FAM20A: variants seen among roughly 807,000 people sequenced by gnomAD.
FAM20A encodes pseudokinase FAM20A.
FAM20A carries 42 observed loss-of-function variants against 52.0 expected under a neutral mutation model. That is an observed-to-expected ratio of 0.81 (90% confidence interval 0.63 to 1.04). The LOEUF (loss-of-function observed/expected upper bound fraction) is 1.04, where lower values mean the gene tolerates loss of function less well. Ranked by LOEUF, FAM20A falls within the 50% of genes least tolerant of loss-of-function variation. FAM20A has a pLI of 0.00. For missense variants in FAM20A, 742 were observed against 712.7 expected (o/e 1.04, Z -0.47); for synonymous variants, 304 against 298.9 (o/e 1.02, Z -0.18).
At position 68,600,918 on chromosome 17, in the gene FAM20A, G is replaced by A; in HGVS notation, c.-252C>T. 2.2e-6 allele frequency: 1 copy of A among 462,966 alleles called. No individual in the cohort carries two copies. The highest frequency in any genetic ancestry group is 3.8e-6 in the Non-Finnish European group (1 of 266,172). The allele number at this position is 462,966 out of a possible 1,614,324, so 28.7% of individuals were successfully genotyped here. A position where few individuals can be genotyped will look rare whatever the true frequency, so the allele number is the denominator to read the frequency against. Reference sequence around the variant, plus strand: ...CTTCTCCGCGCCGAGTGAGCCGAGGGAATGGGGTTCCCGGGGTGCCCGCTT... The same window carrying A: ...CTTCTCCGCGCCGAGTGAGCCGAGGAAATGGGGTTCCCGGGGTGCCCGCTT... On this transcript the variant is annotated 5_prime_UTR_variant, in exon 1 of 11. Coordinates refer to ENST00000592554, the MANE Select transcript of FAM20A (RefSeq NM_017565.4). The surrounding 1 kb of genome is among the most constrained non-coding windows in gnomAD (Gnocchi z 6.2).
chr17:68,565,530 A>C (rs541095312), intron 1 of FAM20A, among the ~76,000 whole-genome samples: 1 of 151,390 alleles, frequency 6.6e-6, no homozygotes, highest in East Asian at 1.9e-4. Flanking sequence ...AGTAGCTGGG[A>C]TTACAGGTGT....
In FAM20A at chr17:68,536,660, C is replaced by T. The variant is rs1262577774; in HGVS notation, c.*817G>A. The T allele has an allele frequency of 2.2e-6, 1 of 452,748 alleles. No homozygotes were observed. The highest frequency in any genetic ancestry group is 2.4e-5 in the Admixed American group (1 of 42,284). 28.0% of individuals were successfully genotyped at this position (452,748 alleles called of 1,614,324 possible). A position where few individuals can be genotyped will look rare whatever the true frequency, so the allele number is the denominator to read the frequency against. On this transcript the variant is annotated 3_prime_UTR_variant, in exon 11 of 11. Coordinates refer to ENST00000592554, the MANE Select transcript of FAM20A (RefSeq NM_017565.4). ...TGGTGGGCTGTAGTCAGCCTTGGCTCTTTTCCTGCCTTACTCCAGGCTTGT... is the reference window on the plus strand; with the variant it reads ...TGGTGGGCTGTAGTCAGCCTTGGCTTTTTTCCTGCCTTACTCCAGGCTTGT...
rs138403824 is a variant in FAM20A, at chr17:68,541,639, G to A, written c.1109+346C>T. ...CAGGTGTCCCTCCCATGGGATTCTC[G>A]TGTGCTCCCTGGTTATAGCAAGTGC... On this transcript the variant is annotated intron_variant, in intron 7 of 10. Coordinates refer to ENST00000592554, the MANE Select transcript of FAM20A (RefSeq NM_017565.4). 463 of 213,366 alleles carry A rather than the reference G, an allele frequency of 2.2e-3. 2 individuals are homozygous for A. The highest frequency in any genetic ancestry group is 8.1e-3 in the South Asian group (86 of 10,614). The allele number at this position is 213,366 out of a possible 1,614,324, so 13.2% of individuals were successfully genotyped here. A position where few individuals can be genotyped will look rare whatever the true frequency, so the allele number is the denominator to read the frequency against.
chr17:68,555,559 C>A lies in FAM20A; in HGVS notation c.589G>T (p.Asp197Tyr). Residue 197 changes from aspartate (D) to tyrosine (Y), a missense_variant and splice_region_variant, in exon 2 of 11, where the codon GAT (aspartate) becomes TAT (tyrosine). Asp to Tyr is a radical substitution (Grantham distance 160, BLOSUM62 -3). Coordinates refer to ENST00000592554, the MANE Select transcript of FAM20A (RefSeq NM_017565.4). ...DMRHFPTISA[D>Y]YSQDEKALLG... ...CCTTGCTTGATCCCATGAACCTTAC[C>A]AGCACTGATGGTGGGAAAGTGCCTC... 6.2e-7 allele frequency: 1 copy of A among 1,612,614 alleles called. No homozygotes were observed. Among genetic ancestry groups the A allele is most frequent in the Non-Finnish European group, 8.5e-7 (1 of 1,180,028 alleles).
At chr17:68,586,468 A>G (rs961379025) in intron 1 of FAM20A, among the ~76,000 whole-genome samples, 2 of 152,224 alleles carry the variant, frequency 1.3e-5, no homozygotes, top group African/African-American at 4.8e-5. Context: ...TTGAGATGAG[A>G]TCATCTTGAA....
intron 1 of FAM20A, among the ~76,000 whole-genome samples, chr17:68,576,358 G>A (rs1207279317): frequency 1.3e-5 from 2 of 152,218 alleles, no homozygotes; most frequent in South Asian, 2.1e-4. Flanking sequence ...ACTGACTTGA[G>A]CTAGCTCAAG....
In FAM20A at chr17:68,585,262, T is replaced by C. The variant is rs74000764; in HGVS notation, c.404+15001A>G. On this transcript the variant is annotated intron_variant, in intron 1 of 10. Coordinates refer to ENST00000592554, the MANE Select transcript of FAM20A (RefSeq NM_017565.4). ...TCAGAAAGAGCCTTTTGTTCCTACCTCTAAGTTCAGTTAATTGGTAAATCT... is the reference window on the plus strand; with the variant it reads ...TCAGAAAGAGCCTTTTGTTCCTACCCCTAAGTTCAGTTAATTGGTAAATCT... 7.0e-3 allele frequency among the ~76,000 whole-genome samples: 1,063 copies of C among 152,002 alleles called. 9 individuals are homozygous for C. The highest frequency in any genetic ancestry group is 0.024 in the African/African-American group (985 of 41,330).
At chr17:68,567,736 C>T (rs144081486) in intron 1 of FAM20A, among the ~76,000 whole-genome samples, 2 of 152,130 alleles carry the variant, frequency 1.3e-5, no homozygotes, top group East Asian at 1.9e-4. Flanking sequence ...AATCTCATCT[C>T]GAATTGTAAT....
rs141405038 is a variant in FAM20A, at chr17:68,542,177, G to A, written c.929-12C>T. ...GCACACGTTGCTCGCTGGAGGATGG[G>A]GAGGAGAGAGGAGGAGTAAGTGGAG... On this transcript the variant is annotated splice_polypyrimidine_tract_variant and intron_variant, in intron 6 of 10. Coordinates refer to ENST00000592554, the MANE Select transcript of FAM20A (RefSeq NM_017565.4). The A allele has an allele frequency of 2.4e-5, 38 of 1,613,458 alleles. No homozygotes were observed. In the African/African-American group the frequency reaches 4.5e-4, roughly 19 times the overall value.
chr17:68,541,239 G>T, intron 7 of FAM20A: 2 of 438,790 alleles, frequency 4.6e-6, no homozygotes, highest in Non-Finnish European at 4.2e-6. Flanking sequence ...GAAAGGAGGA[G>T]GTAGTGACCC....
chr17:68,591,591 G>A (rs969837713), intron 1 of FAM20A, among the ~76,000 whole-genome samples: 4 of 152,214 alleles, frequency 2.6e-5, no homozygotes, highest in Admixed American at 2.6e-4. Context: ...ATAGAGACAG[G>A]AGACAGCTAA....
chr17:68,572,234 A>G (rs932921304), intron 1 of FAM20A, among the ~76,000 whole-genome samples: 1 of 151,472 alleles, frequency 6.6e-6, no homozygotes. Context: ...ATGTAGAAAT[A>G]TTTCTTGATC....
intron 1 of FAM20A, among the ~76,000 whole-genome samples, chr17:68,599,213 T>A (rs553283918): frequency 6.6e-6 from 1 of 152,284 alleles, no homozygotes; most frequent in Admixed American, 6.5e-5. Context: ...GGTCTGCTCA[T>A]CCTCTGGAGG....
chr17:68,584,383 A>G (rs896631068), intron 1 of FAM20A, among the ~76,000 whole-genome samples: 2 of 152,108 alleles, frequency 1.3e-5, no homozygotes, highest in African/African-American at 4.8e-5. Context: ...CTTAAGATCT[A>G]ATGAGGCTAT....
intron 1 of FAM20A, chr17:68,557,596 G>T (rs952954828): frequency 6.6e-6 from 1 of 152,188 alleles, no homozygotes; most frequent in Non-Finnish European, 1.5e-5. Context: ...AGAACTGTGA[G>T]AAATACATTT....
chr17:68,554,741 G>C, intron 3 of FAM20A, 36 bp downstream of exon 3: 1 of 1,599,552 alleles, frequency 6.3e-7, no homozygotes, highest in Non-Finnish European at 8.6e-7. Context: ...CTGTGAGGGT[G>C]AAGAGGCTGG....
intron 2 of FAM20A, 71 bp from the exon 3 acceptor site, chr17:68,554,898 C>G (rs963475128): frequency 6.6e-7 from 1 of 1,511,908 alleles, no homozygotes; most frequent in African/African-American, 1.4e-5. Context: ...ATGGAGGTCC[C>G]TTGACTCTGG....
intron 4 of FAM20A, among the ~76,000 whole-genome samples, chr17:68,544,035 A>G (rs2086434424): frequency 6.6e-6 from 1 of 152,186 alleles, no homozygotes; most frequent in Non-Finnish European, 1.5e-5. Flanking sequence ...GAAGAAATAG[A>G]CATTCTTCTG....
At position 68,535,425 on chromosome 17, in the gene FAM20A, C is replaced by T. The variant is rs1421272496; in HGVS notation, c.*2052G>A. 2.2e-6 allele frequency: 1 copy of T among 454,062 alleles called. No individual in the cohort carries two copies. The highest frequency in any genetic ancestry group is 1.6e-5 in the South Asian group (1 of 64,476). 28.1% of individuals were successfully genotyped at this position (454,062 alleles called of 1,614,324 possible). On this transcript the variant is annotated 3_prime_UTR_variant, in exon 11 of 11. Coordinates refer to ENST00000592554, the MANE Select transcript of FAM20A (RefSeq NM_017565.4). The stretch of plus-strand genomic sequence containing the variant: ...GCGGGTTTTGAGGTAGAGCTGTAGC[C>T]TGCTTTCCTGAGAGTCTTATTTGGA...
Sources: allele counts gnomAD v4.1 joint callset (sites outside exome capture counted in the v4.1 genomes callset), GRCh38; gene constraint gnomAD v4.1.1; non-coding constraint Gnocchi (gnomAD v3.1); transcripts MANE v1.5; gene names NCBI Gene and HGNC (gene_info 2026-07-23, HGNC 2026-07-21).